The following CNTNAP2 variants were observed in gnomAD, a reference collection of about 807,000 sequenced individuals.
CNTNAP2 encodes contactin associated protein 2.
Under a neutral mutation model 155.2 loss-of-function variants are expected in CNTNAP2, and 98 were observed. That is an observed-to-expected ratio of 0.63 (90% CI 0.54 to 0.75). CNTNAP2 has a LOEUF of 0.75. CNTNAP2 is among the 30% of genes least tolerant of loss of function. CNTNAP2 has a pLI of 0.00. For synonymous variants in CNTNAP2, 651 were observed against 631.2 expected, an observed-to-expected ratio of 1.03 and a Z score of -0.47; for missense variants, 1,727 against 1,688.1, an observed-to-expected ratio of 1.02 and a Z score of -0.40.
At chr7:146,842,994 C>CTTTTTTTTT (rs35387068) in intron 3 of CNTNAP2, among the ~76,000 whole-genome samples, 137 of 13,668 alleles carry the variant, frequency 0.01, 42 homozygotes, top group East Asian at 0.038. Context: ...CTGTCCCACA[C>CTTTTTTTTT]TTTTTTTTTT....
intron 8 of CNTNAP2, among the ~76,000 whole-genome samples, chr7:147,180,280 A>G (rs1187162154): frequency 6.6e-6 from 1 of 152,140 alleles, no homozygotes; most frequent in Non-Finnish European, 1.5e-5. Flanking sequence ...TTATCTGGTG[A>G]TCCAACCCTT....
chr7:147,622,689 A>C (rs1794886243), intron 12 of CNTNAP2, among the ~76,000 whole-genome samples: 1 of 152,098 alleles, frequency 6.6e-6, no homozygotes, highest in South Asian at 2.1e-4. Flanking sequence ...AAGAAGAAAA[A>C]CTTCAAATAA....
intron 1 of CNTNAP2, among the ~76,000 whole-genome samples, chr7:146,562,545 C>G (rs1168903791): frequency 6.6e-6 from 1 of 152,086 alleles, no homozygotes; most frequent in Non-Finnish European, 1.5e-5. Flanking sequence ...TAGCAATATT[C>G]TGGCTTTAAA....
At chr7:146,848,112 C>G (rs1378291340) in intron 3 of CNTNAP2, among the ~76,000 whole-genome samples, 1 of 152,142 alleles carries the variant, frequency 6.6e-6, no homozygotes, top group African/African-American at 2.4e-5. Flanking sequence ...CATCCAGGAG[C>G]TTGTCAGAGA....
chr7:146,505,760 C>T (rs1380718214), intron 1 of CNTNAP2, among the ~76,000 whole-genome samples: 1 of 152,116 alleles, frequency 6.6e-6, no homozygotes, highest in Non-Finnish European at 1.5e-5. Context: ...AACAGATTAC[C>T]ATTGTCCCCA....
At chr7:148,078,269 G>T (rs1231157954) in intron 15 of CNTNAP2, among the ~76,000 whole-genome samples, 1 of 151,964 alleles carries the variant, frequency 6.6e-6, no homozygotes, top group African/African-American at 2.4e-5. Context: ...TTGCCATGTT[G>T]GCCAGGCTTG....
intron 1 of CNTNAP2, among the ~76,000 whole-genome samples, chr7:146,391,014 C>T (rs1430939867): frequency 7.6e-6 from 1 of 131,626 alleles, no homozygotes; most frequent in Non-Finnish European, 1.6e-5. Flanking sequence ...TTACAGTGAG[C>T]CGAGATCGCG....
At chr7:147,416,087 A>C (rs1172563758) in intron 10 of CNTNAP2, among the ~76,000 whole-genome samples, 2 of 152,198 alleles carry the variant, frequency 1.3e-5, no homozygotes, top group African/African-American at 2.4e-5. Flanking sequence ...TGTGATGGGC[A>C]TATGTTGCTT....
intron 21 of CNTNAP2, among the ~76,000 whole-genome samples, chr7:148,366,864 C>A (rs1422256294): frequency 6.6e-6 from 1 of 152,076 alleles, no homozygotes; most frequent in Admixed American, 6.5e-5. Flanking sequence ...TTCAAAAATG[C>A]AAATCCAGGG....
intron 3 of CNTNAP2, among the ~76,000 whole-genome samples, chr7:146,884,751 T>C (rs896470421): frequency 2.6e-5 from 4 of 152,032 alleles, no homozygotes; most frequent in African/African-American, 9.7e-5. Flanking sequence ...CAGGAATTAG[T>C]CAAGCAAAAT....
At chr7:146,825,072 CTG>C (rs376725928) in intron 2 of CNTNAP2, among the ~76,000 whole-genome samples, 6 of 150,730 alleles carry the variant, frequency 4.0e-5, no homozygotes, top group African/African-American at 4.9e-5. Flanking sequence ...CTTATCTGTC[CTG>C]TGTGTGTGTG....
chr7:147,418,413 T>C (rs1797235633), intron 10 of CNTNAP2, among the ~76,000 whole-genome samples: 1 of 152,168 alleles, frequency 6.6e-6, no homozygotes, highest in African/African-American at 2.4e-5. Context: ...GTATCCCTTT[T>C]ATTATATAGA....
intron 1 of CNTNAP2, among the ~76,000 whole-genome samples, chr7:146,256,280 A>T (rs1799835527): frequency 1.3e-5 from 2 of 152,242 alleles, no homozygotes; most frequent in South Asian, 4.1e-4. Flanking sequence ...CAAGTTTTCT[A>T]TTGTCAGTTT....
intron 9 of CNTNAP2, among the ~76,000 whole-genome samples, chr7:147,372,428 G>T (rs933298234): frequency 3.3e-5 from 5 of 152,022 alleles, no homozygotes; most frequent in South Asian, 2.1e-4. Context: ...TCTTTCTTGT[G>T]TGTGGCTCCT....
intron 4 of CNTNAP2, among the ~76,000 whole-genome samples, chr7:147,080,528 G>T (rs1459468016): frequency 6.6e-6 from 1 of 151,478 alleles, no homozygotes; most frequent in Non-Finnish European, 1.5e-5. Context: ...GTCAACAAAT[G>T]CAATCAAAAG....
chr7:147,972,231 G>A (rs1203694170), intron 14 of CNTNAP2, among the ~76,000 whole-genome samples: 1 of 152,086 alleles, frequency 6.6e-6, no homozygotes, highest in Admixed American at 6.6e-5. Context: ...ATGCTGTGAT[G>A]GAAATGCATG....
intron 1 of CNTNAP2, among the ~76,000 whole-genome samples, chr7:146,762,212 T>A (rs1802113977): frequency 6.6e-6 from 1 of 152,158 alleles, no homozygotes; most frequent in Non-Finnish European, 1.5e-5. Context: ...ACAGTTTACA[T>A]TAAACGTCTA....
intron 11 of CNTNAP2, among the ~76,000 whole-genome samples, chr7:147,561,738 G>A (rs1051912873): frequency 6.6e-6 from 1 of 152,110 alleles, no homozygotes; most frequent in Non-Finnish European, 1.5e-5. Context: ...AGAGAGTGAA[G>A]GGTAATTTTT....
chr7:147,048,067 A>ATTTTTTTTTTTT (rs11352009), intron 4 of CNTNAP2, among the ~76,000 whole-genome samples: 1 of 90,374 alleles, frequency 1.1e-5, no homozygotes, highest in African/African-American at 5.4e-5. Flanking sequence ...CGGAGAGACA[A>ATTTTTTTTTTTT]TTTTTTTTTT....
Sources: gnomAD v4.1 joint callset for allele counts (sites outside exome capture counted in the v4.1 genomes callset) on GRCh38, gnomAD v4.1.1 for gene constraint, MANE v1.5 for transcripts, NCBI Gene and HGNC (gene_info 2026-07-23, HGNC 2026-07-21) for gene names.